The following TRDN variants were observed in gnomAD, a reference collection of about 807,000 sequenced individuals.
The protein encoded by TRDN is triadin in skeletal muscle.
A neutral mutation model predicts 149.7 loss-of-function variants in TRDN; 161 were observed. That is an observed-to-expected ratio of 1.08 (90% CI 0.95 to 1.23). TRDN has a LOEUF of 1.23. Among genes scored for constraint, TRDN ranks in the 50% most tolerant of loss-of-function variants. The probability of loss-of-function intolerance (pLI) is 0.00; values close to 1 mark genes in which losing one functional copy is unlikely to be tolerated. For missense variants in TRDN, 896 were observed against 823.5 expected (o/e 1.09, Z -1.08); for synonymous variants, 294 against 250.5 (o/e 1.17, Z -1.64).
rs1317061807 is a variant in TRDN at position 123,217,577 on chromosome 6, G to A, written c.*1024C>T. ...GAGTAGATTAAAAATTGTTATCCAT[G>A]TCATTGGCACTGATGACCAGTTACC... On this transcript the variant is annotated 3_prime_UTR_variant, in exon 41 of 41. Coordinates refer to ENST00000334268, the MANE Select transcript of TRDN (RefSeq NM_006073.4). 1 of 151,912 alleles carries A rather than the reference G, an allele frequency of 6.6e-6. No homozygotes were observed. The highest frequency in any genetic ancestry group is 1.5e-5 in the Non-Finnish European group (1 of 67,928). 9.4% of individuals were successfully genotyped at this position (151,912 alleles called of 1,614,324 possible). A position where few individuals can be genotyped will look rare whatever the true frequency, so the allele number is the denominator to read the frequency against.
At chr6:123,444,109 G>A (rs1775128770) in intron 10 of TRDN, among the ~76,000 whole-genome samples, 2 of 146,190 alleles carry the variant, frequency 1.4e-5, no homozygotes, top group East Asian at 3.9e-4. Context: ...ATTACCTTGG[G>A]CAGTATGGCC....
chr6:123,367,578 A>G (rs1220272500), intron 19 of TRDN, among the ~76,000 whole-genome samples: 1 of 152,214 alleles, frequency 6.6e-6, no homozygotes, highest in African/African-American at 2.4e-5. Flanking sequence ...TCTTCGAGCT[A>G]TCTCAATACC....
In TRDN at chr6:123,269,812, G is replaced by A. The variant is rs906327525; in HGVS notation, c.1738+37C>T. ...AAATTGTTAAAGCTGAAATGGTCAA[G>A]CGATATTTCTCAGGTGTTATTCTAT... is the stretch of plus-strand genomic sequence containing the variant. On this transcript the variant is annotated intron_variant, in intron 31 of 40. Transcript: ENST00000334268. 10 of 1,603,020 alleles carry A rather than the reference G, an allele frequency of 6.2e-6. No homozygotes were observed. In the African/African-American group the frequency reaches 1.2e-4, roughly 19 times the overall value.
chr6:123,574,169 A>T (rs907336995), intron 1 of TRDN, among the ~76,000 whole-genome samples: 1 of 152,046 alleles, frequency 6.6e-6, no homozygotes, highest in Non-Finnish European at 1.5e-5. Flanking sequence ...GATAAGGAAC[A>T]TCGGAGCAAA....
chr6:123,281,802 T>A (rs1330017788), intron 24 of TRDN, among the ~76,000 whole-genome samples: 1 of 152,080 alleles, frequency 6.6e-6, no homozygotes, highest in Non-Finnish European at 1.5e-5. Flanking sequence ...GTTAGTTGTC[T>A]ACATGCCATG....
chr6:123,376,301 T>C (rs1232061809), intron 18 of TRDN, among the ~76,000 whole-genome samples: 3 of 152,158 alleles, frequency 2.0e-5, no homozygotes, highest in East Asian at 1.9e-4. Context: ...ACCAACAGGG[T>C]GTTCTCTGTA....
intron 21 of TRDN, chr6:123,350,372 A>T (rs1389828513): frequency 1.1e-6 from 1 of 908,870 alleles, no homozygotes; most frequent in Non-Finnish European, 1.3e-6. Flanking sequence ...CTCTATTAAG[A>T]GTAACAAAAA....
chr6:123,331,910 T>C lies in TRDN; in HGVS notation c.1440A>G (p.Glu480=), dbSNP rs1779673457. 6.5e-7 allele frequency: 1 copy of C among 1,547,966 alleles called. No individual in the cohort carries two copies. Among genetic ancestry groups the C allele is most frequent in the East Asian group, 2.4e-5 (1 of 42,390 alleles). ...LKDKEPIKGK[E]EKVPASLKEK... Reference sequence around the variant, plus strand: ...CCTTTAGGGAAGCTGGAACTTTCTCTTCTTTCCCTTTAATAGGTTCTGAAA... The same window carrying C: ...CCTTTAGGGAAGCTGGAACTTTCTCCTCTTTCCCTTTAATAGGTTCTGAAA... The change falls in exon 23 of 41, where the codon GAA becomes GAG. Residue 480 remains glutamate (E), a synonymous_variant. Coordinates refer to ENST00000334268, the MANE Select transcript of TRDN (RefSeq NM_006073.4).
At chr6:123,281,812 G>A (rs950738514) in intron 24 of TRDN, among the ~76,000 whole-genome samples, 1 of 151,976 alleles carries the variant, frequency 6.6e-6, no homozygotes, top group East Asian at 1.9e-4. Context: ...TACATGCCAT[G>A]TCCTATATCA....
At chr6:123,612,442 C>G (rs1377418832) in intron 1 of TRDN, among the ~76,000 whole-genome samples, 1 of 151,336 alleles carries the variant, frequency 6.6e-6, no homozygotes, top group Non-Finnish European at 1.5e-5. Flanking sequence ...GAAATAAGAA[C>G]AGCAATCCAA....
intron 5 of TRDN, among the ~76,000 whole-genome samples, chr6:123,519,885 G>A (rs566499294): frequency 3.3e-5 from 5 of 151,752 alleles, no homozygotes; most frequent in Non-Finnish European, 7.4e-5. Context: ...TTTTTGTTAG[G>A]TATTAGTGCT....
chr6:123,559,816 C>G (rs529339269), intron 2 of TRDN, among the ~76,000 whole-genome samples: 8 of 152,168 alleles, frequency 5.3e-5, no homozygotes, highest in Non-Finnish European at 1.0e-4. Context: ...GGTTCCAAAC[C>G]CATATACTCT....
At chr6:123,225,125 C>A (rs1482944647) in intron 38 of TRDN, among the ~76,000 whole-genome samples, 1 of 138,650 alleles carries the variant, frequency 7.2e-6, no homozygotes, top group Non-Finnish European at 1.7e-5. Flanking sequence ...CCAACAGGCA[C>A]GTGGAAAGAT....
At chr6:123,521,577 A>C (rs1211855524) in intron 5 of TRDN, among the ~76,000 whole-genome samples, 1 of 152,166 alleles carries the variant, frequency 6.6e-6, no homozygotes, top group Non-Finnish European at 1.5e-5. Flanking sequence ...ATCCTGTGGA[A>C]ACCTTGACTT....
chr6:123,446,020 A>G (rs1349654464), intron 10 of TRDN, among the ~76,000 whole-genome samples: 2 of 149,614 alleles, frequency 1.3e-5, no homozygotes, highest in Non-Finnish European at 2.9e-5. Flanking sequence ...GATTAAGAAA[A>G]TGTGGCACAT....
chr6:123,267,824 A>T, intron 31 of TRDN, 73 bp from the exon 32 acceptor site: 1 of 1,233,434 alleles, frequency 8.1e-7, no homozygotes, highest in South Asian at 1.6e-5. Context: ...ATATATTTGC[A>T]AGTGATCCTC....
intron 12 of TRDN, among the ~76,000 whole-genome samples, chr6:123,398,036 A>C (rs1167266896): frequency 1.3e-5 from 2 of 152,138 alleles, no homozygotes; most frequent in Non-Finnish European, 2.9e-5. Flanking sequence ...ATGGTGTCTC[A>C]CTCCGTCGCC....
chr6:123,336,352 T>A (rs1178235101), intron 22 of TRDN, among the ~76,000 whole-genome samples: 3 of 152,028 alleles, frequency 2.0e-5, no homozygotes, highest in African/African-American at 4.8e-5. Context: ...TAGAGGTAGC[T>A]AGCACATTTT....
chr6:123,314,902 A>C (rs1778968664), intron 24 of TRDN, among the ~76,000 whole-genome samples: 1 of 151,950 alleles, frequency 6.6e-6, no homozygotes, highest in African/African-American at 2.4e-5. Flanking sequence ...TATTAGGCTT[A>C]ATACCTGGGC....
Sources: gnomAD v4.1 joint callset for allele counts (sites outside exome capture counted in the v4.1 genomes callset) on GRCh38, gnomAD v4.1.1 for gene constraint, MANE v1.5 for transcripts, NCBI Gene and HGNC (gene_info 2026-07-23, HGNC 2026-07-21) for gene names.